RAB11FIP4: variants seen among roughly 807,000 people sequenced by gnomAD.
RAB11FIP4 encodes the protein rab11 family-interacting protein 4.
In RAB11FIP4, 23 loss-of-function variants were observed where a neutral mutation model predicts 74.3. The observed-to-expected ratio is 0.31, with a 90% CI of 0.22 to 0.44. The LOEUF (loss-of-function observed/expected upper bound fraction) is 0.44, where lower values mean the gene tolerates loss of function less well. RAB11FIP4 is among the 20% of genes least tolerant of loss of function. RAB11FIP4 has a pLI of 1.00. For synonymous variants in RAB11FIP4, 360 were observed against 359.9 expected (o/e 1.00, Z 0.00); for missense variants, 630 against 863.9 (o/e 0.73, Z 3.39).
chr17:31,522,678 C>A lies in RAB11FIP4; in HGVS notation c.929+283C>A, dbSNP rs565833223. On this transcript the variant is annotated intron_variant, in intron 7 of 14. Coordinates refer to ENST00000621161, the MANE Select transcript of RAB11FIP4 (RefSeq NM_032932.6). The stretch of plus-strand genomic sequence containing the variant: ...GGGATGCCCTGAGAGAGACAGAGCA[C>A]CCCACAGCGTTCAGTGCCCTTCCTG... The A allele has an allele frequency of 5.8e-6, 3 of 514,468 alleles. No homozygotes were observed. In the Admixed American group the frequency reaches 1.1e-4, roughly 19 times the overall value. 31.9% of individuals were successfully genotyped at this position (514,468 alleles called of 1,614,324 possible).
chr17:31,498,118 G>A (rs544303112), intron 3 of RAB11FIP4, among the ~76,000 whole-genome samples: 2 of 152,098 alleles, frequency 1.3e-5, no homozygotes, highest in Non-Finnish European at 2.9e-5. Flanking sequence ...GCCTGGTTCT[G>A]TGGGCAGTGG....
chr17:31,407,040 A>ATTTTTTTTTTTTTTTTTTTTTTTTTTTT (rs59919036), intron 1 of RAB11FIP4, among the ~76,000 whole-genome samples: 6 of 51,208 alleles, frequency 1.2e-4, no homozygotes, highest in East Asian at 5.8e-4. Context: ...GTTTCACTTG[A>ATTTTTTTTTTTTTTTTTTTTTTTTTTTT]TTTTTTTTTT....
intron 3 of RAB11FIP4, among the ~76,000 whole-genome samples, chr17:31,497,968 A>C (rs1489319147): frequency 6.6e-6 from 1 of 152,140 alleles, no homozygotes; most frequent in Non-Finnish European, 1.5e-5. Flanking sequence ...CCCCCTGTGC[A>C]TAAGAAGCAG....
chr17:31,481,459 G>C (rs2071848361), intron 3 of RAB11FIP4, among the ~76,000 whole-genome samples: 1 of 152,162 alleles, frequency 6.6e-6, no homozygotes. Context: ...TAGCCAATCA[G>C]AGACATGGGT....
intron 1 of RAB11FIP4, among the ~76,000 whole-genome samples, chr17:31,424,066 G>C (rs1483971336): frequency 6.6e-6 from 1 of 152,104 alleles, no homozygotes; most frequent in Non-Finnish European, 1.5e-5. Context: ...ATCAGAAAGA[G>C]AGTTTCTTCC....
rs116307031 is a variant in RAB11FIP4, at chr17:31,426,305, G to A, written c.160-5508G>A. Among the ~76,000 whole-genome samples, 1,303 of 152,226 alleles carry A rather than the reference G, an allele frequency of 8.6e-3. 17 individuals are homozygous for A. The highest frequency in any genetic ancestry group is 0.029 in the African/African-American group (1,224 of 41,518). On this transcript the variant is annotated intron_variant, in intron 1 of 14. Coordinates refer to ENST00000621161, the MANE Select transcript of RAB11FIP4 (RefSeq NM_032932.6). ...AAAAAAAGGAAAATAAAAGGGGAGC[G>A]TTACCACTGCAGTGACTTTGTCTAA...
intron 3 of RAB11FIP4, among the ~76,000 whole-genome samples, chr17:31,491,151 G>T (rs928640441): frequency 1.6e-4 from 24 of 152,218 alleles, no homozygotes; most frequent in African/African-American, 5.8e-4. Flanking sequence ...GTGCCTTACT[G>T]GATGTCGTAC....
At chr17:31,422,231 C>T (rs185315146) in intron 1 of RAB11FIP4, among the ~76,000 whole-genome samples, 2 of 152,328 alleles carry the variant, frequency 1.3e-5, no homozygotes, top group East Asian at 1.9e-4. Context: ...ATATGATCTA[C>T]ATGATCTACC....
chr17:31,406,538 A>G (rs1201801571), intron 1 of RAB11FIP4, among the ~76,000 whole-genome samples: 3 of 152,190 alleles, frequency 2.0e-5, no homozygotes, highest in African/African-American at 4.8e-5. Context: ...CATCAGCACT[A>G]TTATTTTAAT....
intron 1 of RAB11FIP4, 103 bp from the exon 2 acceptor site, chr17:31,431,710 G>T: frequency 1.2e-6 from 1 of 822,550 alleles, no homozygotes. Flanking sequence ...GACTGGGCGG[G>T]GACACTGGTG....
rs575587661 is a variant in RAB11FIP4, at chr17:31,448,941, T to G, written c.336+14819T>G. Among the ~76,000 whole-genome samples, 9 of 152,276 alleles carry G rather than the reference T, an allele frequency of 5.9e-5. No homozygotes were observed. The South Asian group carries it at 1.2e-3, about 21-fold the overall frequency. ...TTCTGCCTATCTAAAATCAGAGTCG[T>G]CAGCCTGATTTTCAGTGTTGTGGTG... is the stretch of plus-strand genomic sequence containing the variant. On this transcript the variant is annotated intron_variant, in intron 3 of 14. Transcript: ENST00000621161.
rs1286519585 is a variant in RAB11FIP4, at chr17:31,488,278, C to G, written c.337-29373C>G. 3 of 1,176,348 alleles carry G rather than the reference C, an allele frequency of 2.6e-6. No homozygotes were observed. In the African/African-American group the frequency reaches 4.8e-5, roughly 19 times the overall value. The allele number at this position is 1,176,348 out of a possible 1,614,324, so 72.9% of individuals were successfully genotyped here. On this transcript the variant is annotated intron_variant, in intron 3 of 14. Coordinates refer to ENST00000621161, the MANE Select transcript of RAB11FIP4 (RefSeq NM_032932.6). ...CGCCAGCTCTCGGGAGCCAGGTAAG[C>G]GGCGGCCCCGGGGCTGGCGCTCGCA... is the stretch of plus-strand genomic sequence containing the variant.
intron 3 of RAB11FIP4, among the ~76,000 whole-genome samples, chr17:31,482,545 C>T (rs532047001): frequency 2.7e-5 from 4 of 150,618 alleles, no homozygotes; most frequent in Admixed American, 2.0e-4. Context: ...GAGCAAAGAT[C>T]GCACCACTGC....
intron 3 of RAB11FIP4, among the ~76,000 whole-genome samples, chr17:31,474,349 A>G (rs755538997): frequency 6.6e-5 from 10 of 152,066 alleles, no homozygotes; most frequent in Non-Finnish European, 1.5e-4. Flanking sequence ...AGGAGGTTGG[A>G]GGGGTGGTGC....
At chr17:31,487,523 T>C (rs1048571395) in intron 3 of RAB11FIP4, among the ~76,000 whole-genome samples, 29 of 152,094 alleles carry the variant, frequency 1.9e-4, no homozygotes, top group African/African-American at 7.0e-4. Context: ...GGGCTGGTTA[T>C]GGAGATGGTT....
At chr17:31,468,452 G>A (rs1003572981) in intron 3 of RAB11FIP4, among the ~76,000 whole-genome samples, 2 of 152,136 alleles carry the variant, frequency 1.3e-5, no homozygotes, top group African/African-American at 2.4e-5. Flanking sequence ...TCTCATATGC[G>A]AAATGGGAAG....
At chr17:31,421,705 C>T (rs575972282) in intron 1 of RAB11FIP4, among the ~76,000 whole-genome samples, 2 of 150,274 alleles carry the variant, frequency 1.3e-5, no homozygotes, top group African/African-American at 4.9e-5. Context: ...TTACAGGTGC[C>T]CACCACCACG....
intron 3 of RAB11FIP4, among the ~76,000 whole-genome samples, chr17:31,464,555 G>A (rs887844006): frequency 2.0e-5 from 3 of 151,914 alleles, no homozygotes; most frequent in Non-Finnish European, 4.4e-5. Flanking sequence ...AGGTTCAAGC[G>A]ATTCTCCTGC....
chr17:31,393,405 C>G (rs1224584299), intron 1 of RAB11FIP4, among the ~76,000 whole-genome samples: 5 of 152,202 alleles, frequency 3.3e-5, no homozygotes, highest in African/African-American at 4.8e-5. Context: ...GACTGCAGGT[C>G]GGGTAAAGAA....
Sources: gnomAD v4.1 joint callset for allele counts (sites outside exome capture counted in the v4.1 genomes callset) on GRCh38, gnomAD v4.1.1 for gene constraint, MANE v1.5 for transcripts, NCBI Gene and HGNC (gene_info 2026-07-23, HGNC 2026-07-21) for gene names.